The following LHFPL3 variants were observed in gnomAD, a reference collection of about 807,000 sequenced individuals.
LHFPL3 encodes LHFPL tetraspan subfamily member 3 protein.
Under a neutral mutation model 19.3 loss-of-function variants are expected in LHFPL3, and 5 were observed. That is an observed-to-expected ratio of 0.26 (90% CI 0.14 to 0.54). LHFPL3 has a LOEUF of 0.54. Among genes scored for constraint, LHFPL3 ranks in the 20% least tolerant of loss-of-function variants. The pLI, the probability that LHFPL3 is intolerant of heterozygous loss-of-function variation, is 0.94. For missense variants in LHFPL3, 249 were observed against 307.4 expected, an observed-to-expected ratio of 0.81 and a Z score of 1.42; for synonymous variants, 133 against 126.2, an observed-to-expected ratio of 1.05 and a Z score of -0.36.
intron 1 of LHFPL3, among the ~76,000 whole-genome samples, chr7:104,524,138 C>T (rs1426696573): frequency 6.6e-6 from 1 of 152,126 alleles, no homozygotes; most frequent in African/African-American, 2.4e-5. Context: ...AATTTAGTCA[C>T]AGTATCTAGC....
At chr7:104,628,562 T>G (rs1325619828) in intron 1 of LHFPL3, among the ~76,000 whole-genome samples, 2 of 152,220 alleles carry the variant, frequency 1.3e-5, no homozygotes, top group African/African-American at 4.8e-5. Context: ...TTTGAGTCTA[T>G]GTTGTTGGAA....
chr7:104,470,120 G>A (rs1181740388), intron 1 of LHFPL3: 7 of 454,736 alleles, frequency 1.5e-5, no homozygotes, highest in Non-Finnish European at 2.2e-5. Context: ...GACAGTGAGA[G>A]GAGAAGAAGA....
At chr7:104,561,312 A>G (rs1789997511) in intron 1 of LHFPL3, among the ~76,000 whole-genome samples, 1 of 149,084 alleles carries the variant, frequency 6.7e-6, no homozygotes, top group Admixed American at 6.6e-5. Context: ...AATGTGTGGG[A>G]GTCTAAGTCT....
chr7:104,821,143 T>A (rs1287877051), intron 2 of LHFPL3, among the ~76,000 whole-genome samples: 1 of 152,190 alleles, frequency 6.6e-6, no homozygotes, highest in East Asian at 1.9e-4. Flanking sequence ...CGTTATGTAG[T>A]GTTCAATTTT....
intron 1 of LHFPL3, among the ~76,000 whole-genome samples, chr7:104,432,541 G>A (rs1047594719): frequency 1.3e-5 from 2 of 151,930 alleles, no homozygotes; most frequent in East Asian, 1.9e-4. Flanking sequence ...TCCTTCAAAG[G>A]CCTCAATTGC....
intron 1 of LHFPL3, among the ~76,000 whole-genome samples, chr7:104,615,678 C>T (rs370687232): frequency 6.6e-6 from 1 of 151,328 alleles, no homozygotes; most frequent in East Asian, 1.9e-4. Flanking sequence ...CCTCTACCCA[C>T]CCCCACCCCC....
At chr7:104,720,188 C>T (rs1438610216) in intron 1 of LHFPL3, among the ~76,000 whole-genome samples, 1 of 152,108 alleles carries the variant, frequency 6.6e-6, no homozygotes, top group Admixed American at 6.6e-5. Flanking sequence ...GGTACCAAAA[C>T]AGATATATAG....
Position 104,668,122 on chromosome 7 carries a change from G to A in LHFPL3, c.446-68553G>A, listed in dbSNP as rs1449197881. 18 of 1,613,856 alleles carry A rather than the reference G, an allele frequency of 1.1e-5. 1 individual carries two copies. Among genetic ancestry groups the A allele is most frequent in the South Asian group, 8.8e-5 (8 of 91,060 alleles). On this transcript the variant is annotated intron_variant, in intron 1 of 2. Coordinates refer to ENST00000424859, the MANE Select transcript of LHFPL3 (RefSeq NM_199000.3). ...CGAGGATTAAATATCAGTGCAGTGC[G>A]TTTACCACGTGAACCCAGCAATCCA... is the stretch of plus-strand genomic sequence containing the variant.
At chr7:104,427,210 G>A (rs1397042869) in intron 1 of LHFPL3, among the ~76,000 whole-genome samples, 1 of 152,210 alleles carries the variant, frequency 6.6e-6, no homozygotes, top group East Asian at 1.9e-4. Flanking sequence ...CACATGTGAT[G>A]TCCTTGAATA....
At chr7:104,449,074 AT>A (rs1433697564) in intron 1 of LHFPL3, among the ~76,000 whole-genome samples, 1 of 152,182 alleles carries the variant, frequency 6.6e-6, no homozygotes, top group African/African-American at 2.4e-5. Flanking sequence ...TATAACATGG[AT>A]TTTTGTATCT....
intron 1 of LHFPL3, among the ~76,000 whole-genome samples, chr7:104,400,192 G>T (rs1791287785): frequency 7.3e-6 from 1 of 137,198 alleles, no homozygotes; most frequent in Admixed American, 7.8e-5. Context: ...GTGTTTTACA[G>T]GTTTATATCT....
At chr7:104,836,663 C>G (rs551415105) in intron 2 of LHFPL3, among the ~76,000 whole-genome samples, 66 of 152,324 alleles carry the variant, frequency 4.3e-4, no homozygotes, top group Middle Eastern at 3.4e-3. Context: ...GTCCTACATT[C>G]TGGCACTCTG....
chr7:104,802,618 G>C lies in LHFPL3; in HGVS notation c.682+65707G>C, dbSNP rs114381293. Reference sequence around the variant, plus strand: ...CAGGCACTGAATCTGCTAGCACTTTGATCTTGGACTTCCCAGGCTCTAAAA... The same window carrying C: ...CAGGCACTGAATCTGCTAGCACTTTCATCTTGGACTTCCCAGGCTCTAAAA... On this transcript the variant is annotated intron_variant, in intron 2 of 2. Transcript: ENST00000424859. Among the ~76,000 whole-genome samples the C allele has an allele frequency of 7.3e-3, 1,107 of 151,470 alleles. 12 individuals are homozygous for C. The highest frequency in any genetic ancestry group is 0.025 in the African/African-American group (1,053 of 41,352).
intron 1 of LHFPL3, among the ~76,000 whole-genome samples, chr7:104,495,662 C>T (rs1021729012): frequency 1.3e-5 from 2 of 152,174 alleles, no homozygotes; most frequent in Admixed American, 6.5e-5. Flanking sequence ...GGATTACAGG[C>T]TTGAGCTAAC....
intron 1 of LHFPL3, among the ~76,000 whole-genome samples, chr7:104,568,209 G>C (rs192972060): frequency 8.5e-5 from 13 of 152,140 alleles, no homozygotes; most frequent in African/African-American, 1.2e-4. Flanking sequence ...ACTCTATAAA[G>C]AGCTACTGAC....
intron 1 of LHFPL3, among the ~76,000 whole-genome samples, chr7:104,485,484 G>A (rs1793220022): frequency 1.3e-5 from 2 of 150,390 alleles, no homozygotes. Flanking sequence ...CTGTAATTCT[G>A]GAATACTTTG....
At chr7:104,502,183 C>T (rs922145073) in intron 1 of LHFPL3, among the ~76,000 whole-genome samples, 4 of 152,152 alleles carry the variant, frequency 2.6e-5, no homozygotes, top group African/African-American at 4.8e-5. Flanking sequence ...CAGATGTAGT[C>T]TCCTAACTGT....
At chr7:104,730,210 T>G (rs1318492573) in intron 1 of LHFPL3, among the ~76,000 whole-genome samples, 3 of 152,236 alleles carry the variant, frequency 2.0e-5, no homozygotes, top group Non-Finnish European at 4.4e-5. Flanking sequence ...AACATACGTG[T>G]ACATGTGTCT....
chr7:104,592,128 A>G (rs1790738094), intron 1 of LHFPL3, among the ~76,000 whole-genome samples: 1 of 152,150 alleles, frequency 6.6e-6, no homozygotes, highest in South Asian at 2.1e-4. Flanking sequence ...TCAACTCGTC[A>G]AAGTCATTCT....
Sources: gnomAD v4.1 joint callset for allele counts (sites outside exome capture counted in the v4.1 genomes callset) on GRCh38, gnomAD v4.1.1 for gene constraint, MANE v1.5 for transcripts, NCBI Gene and HGNC (gene_info 2026-07-23, HGNC 2026-07-21) for gene names.